CSMD1: variants seen among roughly 807,000 people sequenced by gnomAD.
CSMD1 encodes the protein CUB and Sushi multiple domains 1.
CSMD1 carries 213 observed loss-of-function variants against 417.5 expected under a neutral mutation model. That is an observed-to-expected ratio of 0.51 (90% CI 0.46 to 0.57). The LOEUF (loss-of-function observed/expected upper bound fraction) is 0.57. Ranked by LOEUF, CSMD1 falls within the 20% of genes least tolerant of loss-of-function variation. CSMD1 has a pLI of 0.00. For missense variants in CSMD1, 6,923 were observed against 4,529.7 expected (o/e 1.53, Z -15.17); for synonymous variants, 2,862 against 1,736.8 (o/e 1.65, Z -16.11).
At chr8:4,112,934 T>G (rs1801933318) in intron 3 of CSMD1, among the ~76,000 whole-genome samples, 1 of 152,222 alleles carries the variant, frequency 6.6e-6, no homozygotes, top group African/African-American at 2.4e-5. Flanking sequence ...AAGTGCTCAC[T>G]TCATCCTTTT....
At chr8:3,824,365 G>A (rs569240716) in intron 5 of CSMD1, among the ~76,000 whole-genome samples, 24 of 152,118 alleles carry the variant, frequency 1.6e-4, no homozygotes, top group Admixed American at 2.6e-4. Flanking sequence ...GTCAAATGAC[G>A]GCGATTTCCC....
At chr8:4,908,803 G>C (rs1036317389) in intron 1 of CSMD1, among the ~76,000 whole-genome samples, 1 of 151,904 alleles carries the variant, frequency 6.6e-6, no homozygotes, top group Non-Finnish European at 1.5e-5. Context: ...CTTACATGTT[G>C]TCTACTTTTC....
At chr8:4,077,902 C>A (rs1280334422) in intron 3 of CSMD1, among the ~76,000 whole-genome samples, 1 of 152,088 alleles carries the variant, frequency 6.6e-6, no homozygotes, top group Non-Finnish European at 1.5e-5. Flanking sequence ...TAGCAATGTC[C>A]TTCCCGAAGA....
intron 5 of CSMD1, among the ~76,000 whole-genome samples, chr8:3,966,273 T>A (rs142069966): frequency 6.6e-6 from 1 of 152,292 alleles, no homozygotes; most frequent in East Asian, 1.9e-4. Context: ...ATACTTAAAC[T>A]GAATGCAGAG....
intron 9 of CSMD1, among the ~76,000 whole-genome samples, chr8:3,584,228 C>A (rs75773244): frequency 0.017 from 2,592 of 152,158 alleles, 77 homozygotes; most frequent in African/African-American, 0.057. Context: ...TCAGTAAGAA[C>A]AGAAGATTGA....
intron 6 of CSMD1, among the ~76,000 whole-genome samples, chr8:3,710,393 T>A (rs1445073684): frequency 6.6e-6 from 1 of 152,164 alleles, no homozygotes; most frequent in Admixed American, 6.5e-5. Context: ...ATGCCAAGAC[T>A]GTGTAAGGCT....
intron 50 of CSMD1, among the ~76,000 whole-genome samples, chr8:3,039,304 C>T (rs909805543): frequency 2.7e-5 from 4 of 148,468 alleles, no homozygotes; most frequent in Non-Finnish European, 6.0e-5. Flanking sequence ...CTTCCTTCCT[C>T]TCTCCCTCCC....
intron 7 of CSMD1, among the ~76,000 whole-genome samples, chr8:3,661,053 G>C (rs141389595): frequency 1.0e-3 from 152 of 152,300 alleles, no homozygotes; most frequent in Non-Finnish European, 1.5e-3. Context: ...GCTAAGCCTT[G>C]AAATGCTCAG....
intron 4 of CSMD1, among the ~76,000 whole-genome samples, chr8:4,011,904 T>A (rs931293149): frequency 6.6e-6 from 1 of 152,146 alleles, no homozygotes; most frequent in African/African-American, 2.4e-5. Flanking sequence ...GGAATTTTAT[T>A]TGCATATAAC....
intron 26 of CSMD1, among the ~76,000 whole-genome samples, chr8:3,257,149 C>G (rs954759716): frequency 3.3e-5 from 5 of 152,068 alleles, no homozygotes; most frequent in African/African-American, 1.2e-4. Context: ...TGGTGAAACC[C>G]CATCTCCGCT....
intron 6 of CSMD1, among the ~76,000 whole-genome samples, chr8:3,709,011 G>A (rs6994669): frequency 0.89 from 135,791 of 152,180 alleles, 61,030 homozygotes; most frequent in East Asian, 0.99. Flanking sequence ...TGTAGATAAA[G>A]TGCTAGACAC....
At chr8:3,407,518 TACAGATGG>T (rs1400143044) in intron 14 of CSMD1, among the ~76,000 whole-genome samples, 1 of 151,134 alleles carries the variant, frequency 6.6e-6, no homozygotes, top group African/African-American at 2.4e-5. Flanking sequence ...AATGAAAGGA[TACAGATGG>T]ACAGATGGAT....
At chr8:3,312,620 T>C (rs1249667189) in intron 23 of CSMD1, among the ~76,000 whole-genome samples, 2 of 152,118 alleles carry the variant, frequency 1.3e-5, no homozygotes, top group African/African-American at 4.8e-5. Flanking sequence ...GGAAGTAGCA[T>C]TGGAATCACA....
At chr8:3,242,964 C>G (rs1025974747) in intron 26 of CSMD1, among the ~76,000 whole-genome samples, 8 of 152,028 alleles carry the variant, frequency 5.3e-5, no homozygotes, top group Non-Finnish European at 1.0e-4. Flanking sequence ...AGAGATGTCC[C>G]TGCAATGGGG....
intron 3 of CSMD1, among the ~76,000 whole-genome samples, chr8:4,209,463 T>A (rs1800177032): frequency 6.6e-6 from 1 of 152,178 alleles, no homozygotes; most frequent in Non-Finnish European, 1.5e-5. Flanking sequence ...CATTGTCACA[T>A]CTGCTAGTTC....
At chr8:4,712,698 C>A (rs553780948) in intron 1 of CSMD1, among the ~76,000 whole-genome samples, 1 of 152,088 alleles carries the variant, frequency 6.6e-6, no homozygotes, top group African/African-American at 2.4e-5. Context: ...ATAATAGTGA[C>A]GGTGTGTTTT....
intron 25 of CSMD1, among the ~76,000 whole-genome samples, chr8:3,307,353 C>G (rs17079850): frequency 0.025 from 3,741 of 152,158 alleles, 153 homozygotes; most frequent in African/African-American, 0.084. Context: ...TCATCCTGGA[C>G]TGCTCATCCC....
chr8:3,170,429 C>T (rs1460545969), intron 37 of CSMD1, among the ~76,000 whole-genome samples: 9 of 152,080 alleles, frequency 5.9e-5, no homozygotes, highest in Non-Finnish European at 1.3e-4. Flanking sequence ...AGGATGGTCT[C>T]GATCTCCTGA....
intron 11 of CSMD1, among the ~76,000 whole-genome samples, chr8:3,483,813 T>C (rs780822159): frequency 1.3e-5 from 2 of 152,184 alleles, no homozygotes; most frequent in Non-Finnish European, 2.9e-5. Context: ...ATTTATTCCA[T>C]TTTATGAAAG....
Sources: allele counts gnomAD v4.1 joint callset (sites outside exome capture counted in the v4.1 genomes callset), GRCh38; gene constraint gnomAD v4.1.1; transcripts MANE v1.5; gene names NCBI Gene and HGNC (gene_info 2026-07-23, HGNC 2026-07-21).